The following BICC1 variants were observed in gnomAD, a reference collection of about 807,000 sequenced individuals.
BICC1 encodes protein bicaudal C homolog 1.
BICC1 carries 43 observed loss-of-function variants against 111.0 expected under a neutral mutation model. That is an observed-to-expected ratio of 0.39 (90% CI 0.30 to 0.50). The LOEUF is 0.50. Ranked by LOEUF, BICC1 falls within the 20% of genes least tolerant of loss-of-function variation. BICC1 has a pLI of 0.88. For synonymous variants in BICC1, 467 were observed against 434.4 expected (o/e 1.07, Z -0.93); for missense variants, 1,091 against 1,203.2 (o/e 0.91, Z 1.38).
chr10:58,741,637 G>C (rs748114254), intron 3 of BICC1, among the ~76,000 whole-genome samples: 12 of 152,128 alleles, frequency 7.9e-5, no homozygotes, highest in Non-Finnish European at 1.6e-4. Context: ...CTCATGTTGA[G>C]AGAGGTCTTA....
intron 1 of BICC1, among the ~76,000 whole-genome samples, chr10:58,618,166 A>G (rs375539307): frequency 6.6e-6 from 1 of 152,100 alleles, no homozygotes; most frequent in East Asian, 1.9e-4. Context: ...CCTGGCTTGC[A>G]TGCCCAGAGG....
At chr10:58,597,905 A>C (rs1031687752) in intron 1 of BICC1, among the ~76,000 whole-genome samples, 2 of 151,982 alleles carry the variant, frequency 1.3e-5, no homozygotes, top group African/African-American at 4.8e-5. Flanking sequence ...TTCAAGGTGC[A>C]CTGATTTCAT....
intron 5 of BICC1, 82 bp from the exon 6 acceptor site, chr10:58,788,288 G>T: frequency 1.9e-6 from 2 of 1,039,788 alleles, no homozygotes; most frequent in East Asian, 4.9e-5. Context: ...GACACTTTTA[G>T]TAGCAAGCAT....
At chr10:58,534,092 GC>G (rs1294834439) in intron 1 of BICC1, among the ~76,000 whole-genome samples, 1 of 151,792 alleles carries the variant, frequency 6.6e-6, no homozygotes, top group Non-Finnish European at 1.5e-5. Flanking sequence ...GATATTCCAT[GC>G]AAATGGTAAC....
chr10:58,550,764 T>G (rs905876014), intron 1 of BICC1, among the ~76,000 whole-genome samples: 2 of 152,188 alleles, frequency 1.3e-5, no homozygotes, highest in Non-Finnish European at 2.9e-5. Context: ...TGGGTTGATT[T>G]CTGGGGTCTG....
At chr10:58,796,310 C>A in intron 9 of BICC1, 30 bp from the exon 10 acceptor site, 1 of 1,600,296 alleles carries the variant, frequency 6.2e-7, no homozygotes, top group Non-Finnish European at 8.5e-7. Context: ...TTGCATGTCA[C>A]CTTTTTTCCC....
At chr10:58,653,001 G>A (rs1236372002) in intron 2 of BICC1, among the ~76,000 whole-genome samples, 4 of 152,108 alleles carry the variant, frequency 2.6e-5, no homozygotes, top group Admixed American at 2.6e-4. Flanking sequence ...AACATTTTGG[G>A]CATGCAGGTG....
intron 3 of BICC1, among the ~76,000 whole-genome samples, chr10:58,761,233 A>G (rs981838079): frequency 5.9e-5 from 9 of 152,168 alleles, no homozygotes; most frequent in African/African-American, 2.2e-4. Flanking sequence ...GATGAAGGCT[A>G]CCCCACCTCT....
intron 19 of BICC1, 31 bp from the exon 20 acceptor site, chr10:58,820,338 A>T (rs191526932): frequency 7.0e-7 from 1 of 1,420,062 alleles, no homozygotes; most frequent in South Asian, 1.2e-5. Context: ...TAATTAATAC[A>T]TTGGTTATAG....
chr10:58,672,801 T>C (rs1209464828), intron 2 of BICC1, among the ~76,000 whole-genome samples: 1 of 152,204 alleles, frequency 6.6e-6, no homozygotes, highest in Non-Finnish European at 1.5e-5. Flanking sequence ...CTGTATGCCA[T>C]TTTATTCTTT....
chr10:58,718,389 C>T (rs989652866), intron 3 of BICC1, among the ~76,000 whole-genome samples: 5 of 152,170 alleles, frequency 3.3e-5, no homozygotes, highest in African/African-American at 1.2e-4. Flanking sequence ...AAAGTCTCCA[C>T]CTCTTAATAC....
At chr10:58,653,986 C>T (rs1278290431) in intron 2 of BICC1, among the ~76,000 whole-genome samples, 2 of 151,522 alleles carry the variant, frequency 1.3e-5, no homozygotes, top group Non-Finnish European at 2.9e-5. Context: ...CCAATTTCAT[C>T]CATGTCCCTA....
chr10:58,662,178 T>G (rs2132292435), intron 2 of BICC1, among the ~76,000 whole-genome samples: 1 of 152,218 alleles, frequency 6.6e-6, no homozygotes, highest in African/African-American at 2.4e-5. Context: ...TAGTAGTCCC[T>G]CCAGGCCAAA....
chr10:58,727,380 A>T lies in BICC1; in HGVS notation c.307+25237A>T, dbSNP rs1172453437. ...GGTGGGCAGATCACTTGAGCCCAGG[A>T]GTTCGAGACCAGCCTGTGTACCATG... On this transcript the variant is annotated intron_variant, in intron 3 of 20. Transcript: ENST00000373886. 3.9e-5 allele frequency among the ~76,000 whole-genome samples: 6 copies of T among 152,258 alleles called. No individual in the cohort carries two copies. The East Asian group carries it at 1.2e-3, about 29-fold the overall frequency.
intron 5 of BICC1, 134 bp downstream of exon 5, chr10:58,787,215 C>T: frequency 1.4e-6 from 1 of 721,274 alleles, no homozygotes; most frequent in Non-Finnish European, 2.0e-6. Context: ...GTAGATTGTA[C>T]AACTTTCTGC....
Position 58,677,009 on chromosome 10 carries a change from A to G in BICC1, c.238-25065A>G, listed in dbSNP as rs530521803. Among the ~76,000 whole-genome samples the G allele has an allele frequency of 4.4e-4, 67 of 152,318 alleles. No homozygotes were observed. In the Middle Eastern group the frequency reaches 0.017, roughly 39 times the overall value. ...AATAGAAAGCAGTAGCCTCAACGTC[A>G]ACAAAAAGGACAACCACACAAAAAC... On this transcript the variant is annotated intron_variant, in intron 2 of 20. Transcript: ENST00000373886.
rs752405472 is a variant in BICC1, at chr10:58,601,173, T to TATAAAA, written c.191-19682_191-19681insATAAAA. Among the ~76,000 whole-genome samples, 11 of 131,086 alleles carry TATAAAA rather than the reference T, an allele frequency of 8.4e-5. No homozygotes were observed. The East Asian group carries it at 2.2e-3, about 27-fold the overall frequency. 86.0% of individuals were successfully genotyped at this position (131,086 alleles called of 152,430 possible). ...ATATATATATATATATATATATATC[T>TATAAAA]CCCAATAAAATTTGGAAAATAAAAA... On this transcript the variant is annotated intron_variant, in intron 1 of 20. Transcript: ENST00000373886.
intron 17 of BICC1, among the ~76,000 whole-genome samples, chr10:58,810,208 T>A (rs898800968): frequency 2.0e-5 from 3 of 152,194 alleles, no homozygotes; most frequent in African/African-American, 7.2e-5. Flanking sequence ...AGATCACAGA[T>A]CACTTTCTGT....
intron 3 of BICC1, among the ~76,000 whole-genome samples, chr10:58,774,268 A>G (rs867326368): frequency 6.6e-6 from 1 of 152,242 alleles, no homozygotes; most frequent in African/African-American, 2.4e-5. Context: ...AGCCTGTCAC[A>G]GAGTTGTAGA....
Sources: gnomAD v4.1 joint callset for allele counts (sites outside exome capture counted in the v4.1 genomes callset) on GRCh38, gnomAD v4.1.1 for gene constraint, MANE v1.5 for transcripts, NCBI Gene and HGNC (gene_info 2026-07-23, HGNC 2026-07-21) for gene names.